The following SVOPL variants were observed in gnomAD, a reference collection of about 807,000 sequenced individuals.
SVOPL encodes the protein SVOP like.
A neutral mutation model predicts 61.0 loss-of-function variants in SVOPL; 60 were observed. That is an observed-to-expected ratio of 0.98 (90% CI 0.80 to 1.22). The LOEUF (loss-of-function observed/expected upper bound fraction) is 1.22, where lower values mean the gene tolerates loss of function less well. Ranked by LOEUF, SVOPL falls within the 50% of genes most tolerant of loss-of-function variation. The pLI is 0.00. For missense variants in SVOPL, 662 were observed against 643.9 expected, an observed-to-expected ratio of 1.03 and a Z score of -0.30; for synonymous variants, 279 against 250.0, an observed-to-expected ratio of 1.12 and a Z score of -1.09.
At chr7:138,636,693 A>C (rs373004258) in intron 9 of SVOPL, among the ~76,000 whole-genome samples, 1 of 151,694 alleles carries the variant, frequency 6.6e-6, no homozygotes, top group Non-Finnish European at 1.5e-5. Context: ...CTGGTCTCGA[A>C]CTCTTGGCCT....
intron 8 of SVOPL, among the ~76,000 whole-genome samples, chr7:138,647,148 G>T (rs1053710811): frequency 6.6e-6 from 1 of 152,184 alleles, no homozygotes; most frequent in South Asian, 2.1e-4. Flanking sequence ...GGCCGAGGTG[G>T]GCAGATCACG....
chr7:138,656,336 C>T (rs917615580), intron 7 of SVOPL, 112 bp downstream of exon 7: 23 of 1,048,884 alleles, frequency 2.2e-5, no homozygotes, highest in East Asian at 4.8e-5. Context: ...TTCTGATACT[C>T]GCTTAATTGC....
intron 7 of SVOPL, among the ~76,000 whole-genome samples, chr7:138,651,802 T>C (rs1801448276): frequency 6.6e-6 from 1 of 152,198 alleles, no homozygotes; most frequent in African/African-American, 2.4e-5. Flanking sequence ...CTCCTCTCCT[T>C]GAGCCTTCCT....
rs934772572 is a variant in SVOPL at position 138,594,320 on chromosome 7, T to C, written c.*290A>G. ...ATTTAGTATTTATTCATATAAAGGT[T>C]TACAGACTTGATTTCAATGAAGAAA... On this transcript the variant is annotated 3_prime_UTR_variant, in exon 16 of 16. Transcript: ENST00000674285. The C allele has an allele frequency of 6.2e-5, 15 of 242,386 alleles. No homozygotes were observed. The highest frequency in any genetic ancestry group is 1.2e-4 in the Non-Finnish European group (15 of 126,788). The allele number at this position is 242,386 out of a possible 1,614,324, so 15.0% of individuals were successfully genotyped here.
chr7:138,681,350 A>C (rs912793314), intron 1 of SVOPL, among the ~76,000 whole-genome samples: 3 of 148,776 alleles, frequency 2.0e-5, no homozygotes, highest in African/African-American at 7.4e-5. Flanking sequence ...TATATTAACA[A>C]ATATTATTAT....
intron 7 of SVOPL, among the ~76,000 whole-genome samples, chr7:138,652,083 G>T (rs1412382784): frequency 6.7e-6 from 1 of 149,312 alleles, no homozygotes; most frequent in African/African-American, 2.5e-5. Context: ...TTTCCCCCTC[G>T]CTCTGTCACC....
At chr7:138,620,999 C>T (rs745690348) in intron 14 of SVOPL, 47 bp downstream of exon 14, 2 of 1,570,244 alleles carry the variant, frequency 1.3e-6, no homozygotes, top group Admixed American at 3.5e-5. Context: ...GTTCCTCTTA[C>T]CCCCTCTCTC....
chr7:138,599,167 A>AAAAAACC (rs58372563), intron 14 of SVOPL, among the ~76,000 whole-genome samples: 1 of 121,810 alleles, frequency 8.2e-6, no homozygotes, highest in African/African-American at 3.2e-5. Flanking sequence ...ACCAAAAAAA[A>AAAAAACC]AAGAAATACA....
intron 1 of SVOPL, among the ~76,000 whole-genome samples, chr7:138,686,501 T>G (rs115718317): frequency 6.6e-6 from 1 of 150,536 alleles, no homozygotes; most frequent in Non-Finnish European, 1.5e-5. Context: ...CTGTAGTTCC[T>G]GTGGAGGCTT....
intron 9 of SVOPL, among the ~76,000 whole-genome samples, chr7:138,638,728 G>A (rs555747700): frequency 2.6e-5 from 4 of 152,246 alleles, no homozygotes; most frequent in East Asian, 3.9e-4. Flanking sequence ...ACCAGATAAA[G>A]GTAAAGGTAG....
At chr7:138,691,548 T>C (rs1802942390) in intron 1 of SVOPL, among the ~76,000 whole-genome samples, 1 of 152,062 alleles carries the variant, frequency 6.6e-6, no homozygotes, top group African/African-American at 2.4e-5. Flanking sequence ...TTGCTGTCGT[T>C]GTTGTTTTTG....
chr7:138,672,367 A>T (rs1332054319), intron 3 of SVOPL, among the ~76,000 whole-genome samples: 3 of 152,166 alleles, frequency 2.0e-5, no homozygotes, highest in Non-Finnish European at 4.4e-5. Context: ...ATATTCACTT[A>T]TGATTTTGCT....
intron 15 of SVOPL, 30 bp from the exon 16 acceptor site, chr7:138,594,651 A>G: frequency 1.3e-6 from 2 of 1,550,848 alleles, no homozygotes; most frequent in Non-Finnish European, 1.7e-6. Context: ...TAGATCAGTA[A>G]TAGACTTTTT....
intron 9 of SVOPL, among the ~76,000 whole-genome samples, chr7:138,642,347 GT>G (rs1800855111): frequency 1.4e-5 from 2 of 146,558 alleles, no homozygotes; most frequent in South Asian, 4.3e-4. Flanking sequence ...AAAGCTTGTT[GT>G]TTGAAGTCTA....
rs180947222 is a variant in SVOPL, at chr7:138,650,064, T to C, written c.535-927A>G. Among the ~76,000 whole-genome samples, 150 of 152,168 alleles carry C rather than the reference T, an allele frequency of 9.9e-4. 1 individual carries two copies. The highest frequency in any genetic ancestry group is 3.5e-3 in the African/African-American group (144 of 41,522). ...TCAGGCTGGTCTCAAACTCCTGATC[T>C]CGTGATCTGCCCACCTTGGCCTCCC... On this transcript the variant is annotated intron_variant, in intron 7 of 15. Transcript: ENST00000674285.
intron 1 of SVOPL, among the ~76,000 whole-genome samples, chr7:138,694,744 TTTTG>T (rs778869878): frequency 1.1e-4 from 17 of 152,152 alleles, no homozygotes; most frequent in Non-Finnish European, 2.2e-4. Context: ...ATTATTATTA[TTTTG>T]TTTGTTTGTT....
At chr7:138,690,780 C>CT (rs869096896) in intron 1 of SVOPL, among the ~76,000 whole-genome samples, 34 of 146,004 alleles carry the variant, frequency 2.3e-4, no homozygotes, top group Admixed American at 1.0e-3. Context: ...TTCTTTCTTT[C>CT]TTTTTTTAAT....
intron 14 of SVOPL, among the ~76,000 whole-genome samples, chr7:138,615,299 T>G (rs959391957): frequency 2.0e-5 from 3 of 152,200 alleles, no homozygotes; most frequent in Non-Finnish European, 2.9e-5. Flanking sequence ...GGCTCACGCC[T>G]GTAATCCCAG....
At chr7:138,641,814 T>TTTTATATATA (rs765128177) in intron 9 of SVOPL, among the ~76,000 whole-genome samples, 16 of 120,978 alleles carry the variant, frequency 1.3e-4, no homozygotes, top group Admixed American at 2.8e-4. Flanking sequence ...TATATATATG[T>TTTTATATATA]TATATATATA....
Sources: allele counts gnomAD v4.1 joint callset (sites outside exome capture counted in the v4.1 genomes callset), GRCh38; gene constraint gnomAD v4.1.1; transcripts MANE v1.5; gene names NCBI Gene and HGNC (gene_info 2026-07-23, HGNC 2026-07-21).